The following CSMD1 variants were observed in gnomAD, a reference collection of about 807,000 sequenced individuals.
CSMD1 encodes CUB and Sushi multiple domains 1, also known as CUB and sushi domain-containing protein 1.
A neutral mutation model predicts 417.5 loss-of-function variants in CSMD1; 213 were observed. The observed-to-expected ratio is 0.51, with a 90% CI of 0.46 to 0.57. The LOEUF is 0.57. Ranked by LOEUF, CSMD1 falls within the 20% of genes least tolerant of loss-of-function variation. The probability of loss-of-function intolerance (pLI) is 0.00; values close to 1 mark genes in which losing one functional copy is unlikely to be tolerated. For synonymous variants in CSMD1, 2,862 were observed against 1,736.8 expected, an observed-to-expected ratio of 1.65 and a Z score of -16.11; for missense variants, 6,923 against 4,529.7, an observed-to-expected ratio of 1.53 and a Z score of -15.17.
intron 20 of CSMD1, among the ~76,000 whole-genome samples, chr8:3,363,472 TG>T (rs1563312633): frequency 6.6e-6 from 1 of 152,130 alleles, no homozygotes; most frequent in Non-Finnish European, 1.5e-5. Context: ...CCCTCTGACC[TG>T]GACAGGAGGA....
intron 6 of CSMD1, among the ~76,000 whole-genome samples, chr8:3,738,454 G>A (rs1174971217): frequency 6.6e-6 from 1 of 152,182 alleles, no homozygotes; most frequent in Non-Finnish European, 1.5e-5. Context: ...AAAATGACTT[G>A]AAGCTCATAT....
chr8:3,260,865 A>G (rs563885325), intron 26 of CSMD1, among the ~76,000 whole-genome samples: 1 of 152,340 alleles, frequency 6.6e-6, no homozygotes, highest in Non-Finnish European at 1.5e-5. Context: ...AAGACAAGCT[A>G]CAGACTGGGA....
chr8:3,895,653 T>C (rs758570526), intron 5 of CSMD1, among the ~76,000 whole-genome samples: 1 of 152,246 alleles, frequency 6.6e-6, no homozygotes, highest in African/African-American at 2.4e-5. Context: ...AAATAATTAC[T>C]ATATTTGAGA....
intron 5 of CSMD1, among the ~76,000 whole-genome samples, chr8:3,994,396 C>T (rs1331637791): frequency 7.4e-6 from 1 of 135,860 alleles, no homozygotes; most frequent in African/African-American, 2.7e-5. Context: ...TTTCTTTCTT[C>T]TTGATATTAT....
intron 5 of CSMD1, among the ~76,000 whole-genome samples, chr8:3,957,591 G>A (rs1202748535): frequency 1.3e-5 from 2 of 152,110 alleles, no homozygotes; most frequent in Admixed American, 1.3e-4. Flanking sequence ...GGCTGAGGTG[G>A]ACAGATGGCT....
rs141021339 is a variant in CSMD1, at chr8:3,481,201, C to A, written c.1449-12377G>T. 1.3e-3 allele frequency among the ~76,000 whole-genome samples: 201 copies of A among 149,608 alleles called. 6 individuals carry two copies. The East Asian group carries it at 0.036, about 27-fold the overall frequency. On this transcript the variant is annotated intron_variant, in intron 11 of 69. Coordinates refer to ENST00000635120, the MANE Select transcript of CSMD1 (RefSeq NM_033225.6). ...AAAACCAGAGTAGTTGGTAGACCTG[C>A]CCTTAATGGTTGGCTCAAGAACATT...
chr8:3,955,031 A>C (rs1211498426), intron 5 of CSMD1, among the ~76,000 whole-genome samples: 1 of 152,190 alleles, frequency 6.6e-6, no homozygotes, highest in Non-Finnish European at 1.5e-5. Flanking sequence ...TTGCACTGCT[A>C]ATTTATCATT....
Position 2,961,087 on chromosome 8 carries a change from C to A in CSMD1, c.9702+54G>T, listed in dbSNP as rs907484255. 5 of 1,215,586 alleles carry A rather than the reference C, an allele frequency of 4.1e-6. No individual in the cohort carries two copies. The African/African-American group carries it at 6.1e-5, about 15-fold the overall frequency. 75.3% of individuals were successfully genotyped at this position (1,215,586 alleles called of 1,614,324 possible). Reference sequence around the variant, plus strand: ...AAAGCACTCACATATGTTTAAGTAACAAATATATTTTATATTTCCAGAAAG... The same window carrying A: ...AAAGCACTCACATATGTTTAAGTAAAAAATATATTTTATATTTCCAGAAAG... On this transcript the variant is annotated intron_variant, in intron 62 of 69. Coordinates refer to ENST00000635120, the MANE Select transcript of CSMD1 (RefSeq NM_033225.6).
At chr8:3,977,648 G>A (rs1335140999) in intron 5 of CSMD1, among the ~76,000 whole-genome samples, 1 of 152,142 alleles carries the variant, frequency 6.6e-6, no homozygotes, top group Non-Finnish European at 1.5e-5. Flanking sequence ...GAGAAATCTG[G>A]AACCTTCTCC....
At chr8:3,036,316 A>C (rs1315735814) in intron 50 of CSMD1, among the ~76,000 whole-genome samples, 1 of 152,124 alleles carries the variant, frequency 6.6e-6, no homozygotes, top group Non-Finnish European at 1.5e-5. Flanking sequence ...AATTTCAGAA[A>C]CTTATCATAA....
At chr8:4,243,020 C>T (rs1302464295) in intron 3 of CSMD1, among the ~76,000 whole-genome samples, 1 of 152,142 alleles carries the variant, frequency 6.6e-6, no homozygotes, top group Non-Finnish European at 1.5e-5. Context: ...AGGAAACAGA[C>T]TAGAATGGCA....
intron 5 of CSMD1, among the ~76,000 whole-genome samples, chr8:3,760,342 T>G (rs1239459947): frequency 6.6e-6 from 1 of 152,144 alleles, no homozygotes; most frequent in Admixed American, 6.5e-5. Context: ...AGGATTCAAC[T>G]GGGTTTTGCT....
At chr8:4,177,171 T>C (rs1047426024) in intron 3 of CSMD1, among the ~76,000 whole-genome samples, 20 of 152,216 alleles carry the variant, frequency 1.3e-4, no homozygotes, top group Middle Eastern at 3.4e-3. Context: ...ATTGACCACA[T>C]AGCTGGAAGT....
In CSMD1 at chr8:4,622,536, C is replaced by A. The variant is rs1194182230; in HGVS notation, c.302+14806G>T. Reference sequence around the variant, plus strand: ...TCCTCCTGCTGTGTCCATGCAGCACCCTCTACTGAGAAAGCTTAACATAGT... The same window carrying A: ...TCCTCCTGCTGTGTCCATGCAGCACACTCTACTGAGAAAGCTTAACATAGT... On this transcript the variant is annotated intron_variant, in intron 2 of 69. Transcript: ENST00000635120. Among the ~76,000 whole-genome samples the A allele has an allele frequency of 2.0e-5, 3 of 152,098 alleles. 1 individual carries two copies. Among genetic ancestry groups the A allele is most frequent in the Non-Finnish European group, 1.5e-5 (1 of 68,012 alleles).
rs1038603338 is a variant in CSMD1 at position 3,788,202 on chromosome 8, T to C, written c.819-34160A>G. Among the ~76,000 whole-genome samples the C allele has an allele frequency of 3.3e-5, 5 of 152,320 alleles. No individual in the cohort carries two copies. The South Asian group carries it at 1.0e-3, about 32-fold the overall frequency. The stretch of plus-strand genomic sequence containing the variant: ...ATACTACATAATTACAAATTACAGA[T>C]AGTTGGATCACAGGATTTAACAGGC... On this transcript the variant is annotated intron_variant, in intron 5 of 69. Coordinates refer to ENST00000635120, the MANE Select transcript of CSMD1 (RefSeq NM_033225.6).
intron 2 of CSMD1, among the ~76,000 whole-genome samples, chr8:4,455,072 G>A (rs1021021678): frequency 4.6e-5 from 7 of 152,104 alleles, no homozygotes; most frequent in Admixed American, 3.3e-4. Flanking sequence ...GGGAAACTTC[G>A]TGCTATACAG....
chr8:4,564,702 G>T (rs1164881015), intron 2 of CSMD1, among the ~76,000 whole-genome samples: 1 of 152,160 alleles, frequency 6.6e-6, no homozygotes, highest in Non-Finnish European at 1.5e-5. Context: ...AACAATGAAT[G>T]CATACCCTGA....
chr8:3,478,443 C>G (rs1045726462), intron 11 of CSMD1, among the ~76,000 whole-genome samples: 5 of 152,058 alleles, frequency 3.3e-5, no homozygotes, highest in African/African-American at 7.2e-5. Flanking sequence ...TTTCCTTCCC[C>G]CTCTGTGTAA....
At chr8:3,757,835 G>C (rs766287173) in intron 5 of CSMD1, among the ~76,000 whole-genome samples, 2 of 146,434 alleles carry the variant, frequency 1.4e-5, no homozygotes, top group Non-Finnish European at 3.0e-5. Context: ...GGTGAAAAGA[G>C]CGAGACTTCA....
Sources: allele counts gnomAD v4.1 joint callset (sites outside exome capture counted in the v4.1 genomes callset), GRCh38; gene constraint gnomAD v4.1.1; transcripts MANE v1.5; gene names NCBI Gene and HGNC (gene_info 2026-07-23, HGNC 2026-07-21).